Variants in PRIMPOL observed in about 807,000 individuals in gnomAD.
PRIMPOL encodes primase and DNA directed polymerase, also known as DNA-directed primase/polymerase protein.
A neutral mutation model predicts 63.6 loss-of-function variants in PRIMPOL; 54 were observed. That is an observed-to-expected ratio of 0.85 (90% CI 0.68 to 1.07). The LOEUF (loss-of-function observed/expected upper bound fraction) is 1.07. Among genes scored for constraint, PRIMPOL ranks in the 50% least tolerant of loss-of-function variants. PRIMPOL has a pLI of 0.00. For missense variants in PRIMPOL, 610 were observed against 648.3 expected (o/e 0.94, Z 0.64); for synonymous variants, 197 against 220.2 (o/e 0.89, Z 0.93).
chr4:184,690,404 C>T (rs1450558756), intron 11 of PRIMPOL, among the ~76,000 whole-genome samples: 8 of 152,172 alleles, frequency 5.3e-5, no homozygotes, highest in Admixed American at 5.2e-4. Flanking sequence ...ATGTAGGCCT[C>T]GTTGATTCTT....
At chr4:184,680,199 T>TC (rs915494713) in intron 8 of PRIMPOL, among the ~76,000 whole-genome samples, 1 of 122,332 alleles carries the variant, frequency 8.2e-6, no homozygotes, top group African/African-American at 2.7e-5. Flanking sequence ...TAAATATAAT[T>TC]TTTTTTTTGA....
chr4:184,690,430 T>G (rs570492240), intron 11 of PRIMPOL, among the ~76,000 whole-genome samples: 4 of 152,164 alleles, frequency 2.6e-5, no homozygotes, highest in Non-Finnish European at 5.9e-5. Flanking sequence ...TTTTGTCTCT[T>G]TATGACTGCC....
intron 11 of PRIMPOL, among the ~76,000 whole-genome samples, chr4:184,689,379 A>C (rs1757853563): frequency 1.3e-5 from 2 of 149,698 alleles, no homozygotes; most frequent in African/African-American, 5.0e-5. Context: ...GCACTCTTAA[A>C]CCCTGGAATC....
chr4:184,678,970 T>G, intron 8 of PRIMPOL, among the ~76,000 whole-genome samples: 1 of 152,304 alleles, frequency 6.6e-6, no homozygotes. Flanking sequence ...CTAAAATGAT[T>G]ATCACTTCTG....
At chr4:184,653,798 A>T (rs973969735) in intron 2 of PRIMPOL, among the ~76,000 whole-genome samples, 1 of 152,254 alleles carries the variant, frequency 6.6e-6, no homozygotes, top group Non-Finnish European at 1.5e-5. Context: ...AATGAAAAGC[A>T]TTTCTAATAT....
intron 13 of PRIMPOL, among the ~76,000 whole-genome samples, chr4:184,693,628 T>C (rs1254597172): frequency 6.6e-6 from 1 of 152,174 alleles, no homozygotes; most frequent in Non-Finnish European, 1.5e-5. Context: ...GATTTTAAAT[T>C]TACTATAAAG....
chr4:184,664,968 T>C (rs986298730), intron 5 of PRIMPOL, among the ~76,000 whole-genome samples: 3 of 152,180 alleles, frequency 2.0e-5, no homozygotes, highest in African/African-American at 7.2e-5. Context: ...ATGAGGACAG[T>C]GTGGTGTTAG....
chr4:184,686,947 ATG>A (rs1757128936), intron 11 of PRIMPOL, among the ~76,000 whole-genome samples: 1 of 152,212 alleles, frequency 6.6e-6, no homozygotes, highest in South Asian at 2.1e-4. Flanking sequence ...TCTTTTTTCT[ATG>A]CGTATTAACT....
intron 11 of PRIMPOL, 62 bp downstream of exon 11, chr4:184,685,746 T>G: frequency 1.4e-6 from 1 of 716,798 alleles, no homozygotes. Context: ...ATTTATAACT[T>G]TTAAAGTTGC....
rs113582713 is a variant in PRIMPOL, at chr4:184,656,868, G to A, written c.-59-214G>A. On this transcript the variant is annotated intron_variant, in intron 2 of 13. Coordinates refer to ENST00000314970, the MANE Select transcript of PRIMPOL (RefSeq NM_152683.4). ...AGTTGATTAAACTAAGATTCAGGGC[G>A]CTTCATTAACCTGTCCAAGGTCATA... Among the ~76,000 whole-genome samples, 245 of 152,272 alleles carry A rather than the reference G, an allele frequency of 1.6e-3. 1 individual carries two copies. Among genetic ancestry groups the A allele is most frequent in the African/African-American group, 5.7e-3 (236 of 41,558 alleles).
At chr4:184,663,178 G>A (rs1748891155) in intron 5 of PRIMPOL, among the ~76,000 whole-genome samples, 2 of 151,830 alleles carry the variant, frequency 1.3e-5, no homozygotes, top group African/African-American at 4.8e-5. Context: ...CCGAGTAGCT[G>A]GGATTACAGG....
rs1758529550 is a variant in PRIMPOL, at chr4:184,691,528, G to A, written c.1325G>A (p.Trp442Ter). 6.3e-7 allele frequency: 1 copy of A among 1,599,840 alleles called. No individual in the cohort carries two copies. The highest frequency in any genetic ancestry group is 1.4e-5 in the African/African-American group (1 of 73,926). The change falls in exon 12 of 14, where the codon TGG becomes TAG. Residue 442 changes from tryptophan (W) to a stop codon, truncating the protein, a stop_gained. Transcript: ENST00000314970. LOFTEE classifies it high-confidence loss of function. ...CTGGTTGATCTGAAAAATGAAGTTT[G>A]GTATCAAAAATGTCATGACCCTGTA... ...MILVDLKNEV[W>*]YQKCHDPVCK...
chr4:184,682,389 C>T, intron 9 of PRIMPOL, 53 bp downstream of exon 9: 2 of 1,017,444 alleles, frequency 2.0e-6, no homozygotes, highest in Non-Finnish European at 1.5e-6. Context: ...CTCATTGTCA[C>T]CCAGGCTGGA....
chr4:184,672,234 T>C lies in PRIMPOL; in HGVS notation c.618T>C (p.Asp206=). Residue 206 remains aspartate (D), a synonymous_variant, in exon 7 of 14, where the codon GAT becomes GAC. Coordinates refer to ENST00000314970, the MANE Select transcript of PRIMPOL (RefSeq NM_152683.4). The stretch of plus-strand genomic sequence containing the variant: ...ACTTGCTTGGCAGTGAAGATGATGA[T>C]AGCGCTCCAGAGACAACAGGCCATG... ...ALDLLGSEDD[D]SAPETTGHGF... 6.2e-7 allele frequency: 1 copy of C among 1,614,034 alleles called. No homozygotes were observed. The highest frequency in any genetic ancestry group is 1.1e-5 in the South Asian group (1 of 91,070).
At chr4:184,685,363 T>C in intron 9 of PRIMPOL, 46 bp from the exon 10 acceptor site, 2 of 1,386,438 alleles carry the variant, frequency 1.4e-6, no homozygotes, top group Non-Finnish European at 2.1e-6. Flanking sequence ...ATTTAACTTC[T>C]CAACTTTCAG....
intron 3 of PRIMPOL, 149 bp from the exon 4 acceptor site, chr4:184,659,191 C>G (rs1747542575): frequency 3.2e-6 from 2 of 624,626 alleles, no homozygotes; most frequent in Admixed American, 2.9e-5. Context: ...AACCTAGTGA[C>G]TATTTGTCTT....
At chr4:184,694,283 C>T in intron 13 of PRIMPOL, 1 of 1,281,036 alleles carries the variant, frequency 7.8e-7, no homozygotes, top group Non-Finnish European at 9.9e-7. Flanking sequence ...AGTATGTGCA[C>T]AGAACTGTAG....
intron 13 of PRIMPOL, among the ~76,000 whole-genome samples, chr4:184,693,748 C>T (rs530763643): frequency 2.0e-5 from 3 of 147,282 alleles, no homozygotes; most frequent in Admixed American, 6.7e-5. Flanking sequence ...CTACTGTATA[C>T]ATACGCATTA....
Position 184,694,479 on chromosome 4 carries a change from A to G in PRIMPOL, c.1426-43A>G, listed in dbSNP as rs370200922. 13 of 1,585,794 alleles carry G rather than the reference A, an allele frequency of 8.2e-6. No homozygotes were observed. In the African/African-American group the frequency reaches 1.8e-4, roughly 22 times the overall value. On this transcript the variant is annotated intron_variant, in intron 13 of 13. Transcript: ENST00000314970. ...GTTAAATCACATATCCTGAGTAAAT[A>G]TTTTCCTATCCCACTCTCTATCCCT... is the stretch of plus-strand genomic sequence containing the variant.
Sources: allele counts gnomAD v4.1 joint callset (sites outside exome capture counted in the v4.1 genomes callset), GRCh38; gene constraint gnomAD v4.1.1; transcripts MANE v1.5; gene names NCBI Gene and HGNC (gene_info 2026-07-23, HGNC 2026-07-21).